The following KIAA2012 variants were observed in gnomAD, a reference collection of about 807,000 sequenced individuals.
The protein encoded by KIAA2012 is uncharacterized protein KIAA2012.
KIAA2012 carries 125 observed loss-of-function variants against 150.6 expected under a neutral mutation model. That is an observed-to-expected ratio of 0.83 (90% CI 0.72 to 0.96). The LOEUF is 0.96. Ranked by LOEUF, KIAA2012 falls within the 40% of genes least tolerant of loss-of-function variation. The probability of loss-of-function intolerance (pLI) is 0.00; values close to 1 mark genes in which losing one functional copy is unlikely to be tolerated. For synonymous variants in KIAA2012, 462 were observed against 504.7 expected (o/e 0.92, Z 1.13); for missense variants, 1,219 against 1,354.9 (o/e 0.90, Z 1.57).
intron 12 of KIAA2012, among the ~76,000 whole-genome samples, chr2:202,132,867 T>G (rs1575028939): frequency 1.5e-5 from 2 of 131,402 alleles, no homozygotes; most frequent in Non-Finnish European, 3.2e-5. Flanking sequence ...GAGGCAGAGG[T>G]GGGTGGATCA....
rs1415794917 is a variant in KIAA2012, at chr2:202,127,991, C to T, written c.1831+2709C>T. Among the ~76,000 whole-genome samples, 4 of 152,114 alleles carry T rather than the reference C, an allele frequency of 2.6e-5. No homozygotes were observed. In the East Asian group the frequency reaches 7.7e-4, roughly 29 times the overall value. ...TCCCTCCCCTAGCCCCTGGCAACCA[C>T]CATTCTACTTTCTGTTATCCCCTGA... is the stretch of plus-strand genomic sequence containing the variant. On this transcript the variant is annotated intron_variant, in intron 12 of 23. Transcript: ENST00000498697.
At chr2:202,102,887 C>A in intron 7 of KIAA2012, 59 bp from the exon 8 acceptor site, 1 of 1,473,938 alleles carries the variant, frequency 6.8e-7, no homozygotes, top group Non-Finnish European at 9.2e-7. Flanking sequence ...TCGTTTGCCC[C>A]TGCAGGCAGC....
chr2:202,169,973 A>G (rs1223161029), intron 15 of KIAA2012, among the ~76,000 whole-genome samples: 1 of 152,178 alleles, frequency 6.6e-6, no homozygotes, highest in Non-Finnish European at 1.5e-5. Context: ...GCCGTCTATG[A>G]GTCGCTCAGG....
intron 21 of KIAA2012, among the ~76,000 whole-genome samples, chr2:202,196,532 C>G (rs961186353): frequency 4.6e-5 from 7 of 151,990 alleles, no homozygotes; most frequent in African/African-American, 1.5e-4. Context: ...GATTTGACAC[C>G]GCTCCCCAAC....
At chr2:202,148,502 T>C (rs1691347952) in intron 13 of KIAA2012, among the ~76,000 whole-genome samples, 1 of 152,116 alleles carries the variant, frequency 6.6e-6, no homozygotes, top group Non-Finnish European at 1.5e-5. Flanking sequence ...ACTCAGCCCA[T>C]TTCACCAGCA....
chr2:202,132,368 C>A (rs1038326987), intron 12 of KIAA2012, among the ~76,000 whole-genome samples: 2 of 151,588 alleles, frequency 1.3e-5, no homozygotes, highest in Non-Finnish European at 2.9e-5. Context: ...AAGAAGTGAC[C>A]AAAAATAATA....
At chr2:202,098,888 A>G (rs1689969890) in intron 5 of KIAA2012, among the ~76,000 whole-genome samples, 1 of 151,680 alleles carries the variant, frequency 6.6e-6, no homozygotes, top group Non-Finnish European at 1.5e-5. Flanking sequence ...CCCATCCTGA[A>G]TAAACTCATT....
At chr2:202,094,863 G>A (rs1689824505) in intron 4 of KIAA2012, among the ~76,000 whole-genome samples, 1 of 152,108 alleles carries the variant, frequency 6.6e-6, no homozygotes, top group Non-Finnish European at 1.5e-5. Flanking sequence ...CACACCTGAG[G>A]GATAAAGTGA....
At chr2:202,141,911 A>G (rs1175588154) in intron 13 of KIAA2012, among the ~76,000 whole-genome samples, 1 of 152,166 alleles carries the variant, frequency 6.6e-6, no homozygotes, top group Non-Finnish European at 1.5e-5. Flanking sequence ...AAATATTAAT[A>G]TAGCTAGACA....
At chr2:202,125,472 G>A (rs1042305346) in intron 12 of KIAA2012, among the ~76,000 whole-genome samples, 190 bp downstream of exon 12, 2 of 152,186 alleles carry the variant, frequency 1.3e-5, no homozygotes, top group East Asian at 1.9e-4. Flanking sequence ...GGACAGCCCC[G>A]TGGTCTGAGT....
In KIAA2012 at chr2:202,166,673, C is replaced by CA. The variant is rs35119948; in HGVS notation, c.2119+1328dup. On this transcript the variant is annotated intron_variant, in intron 15 of 23. Transcript: ENST00000498697. Reference sequence around the variant, plus strand: ...CCCTGTCTCCAAAAAAAAACAAAAACAAAAAAAAAAAGGATCAATTTTCTC... The same window carrying CA: ...CCCTGTCTCCAAAAAAAAACAAAAACAAAAAAAAAAAAGGATCAATTTTCTC... Among the ~76,000 whole-genome samples, 1,040 of 145,134 alleles carry CA rather than the reference C, an allele frequency of 7.2e-3. 8 individuals carry two copies. Among genetic ancestry groups the CA allele is most frequent in the African/African-American group, 0.023 (915 of 39,440 alleles).
chr2:202,170,802 G>C (rs1312016821), intron 15 of KIAA2012, among the ~76,000 whole-genome samples: 1 of 152,216 alleles, frequency 6.6e-6, no homozygotes, highest in Non-Finnish European at 1.5e-5. Flanking sequence ...GACATCAAGA[G>C]AAGGCAGCAG....
chr2:202,116,069 C>T (rs1396923969), intron 11 of KIAA2012: 1 of 152,146 alleles, frequency 6.6e-6, no homozygotes, highest in Non-Finnish European at 1.5e-5. Context: ...AATTGCTTAT[C>T]CTTGATTCAA....
chr2:202,194,079 C>A, intron 20 of KIAA2012, 111 bp from the exon 21 acceptor site: 11 of 1,180,128 alleles, frequency 9.3e-6, no homozygotes, highest in Middle Eastern at 2.7e-4. Context: ...AGGTTGCTCC[C>A]TGTGGCCTGT....
At chr2:202,133,209 C>T (rs1029887146) in intron 12 of KIAA2012, among the ~76,000 whole-genome samples, 13 of 148,040 alleles carry the variant, frequency 8.8e-5, no homozygotes, top group African/African-American at 2.8e-4. Context: ...CCACCTTCAG[C>T]CTTTTTTCTG....
intron 5 of KIAA2012, among the ~76,000 whole-genome samples, chr2:202,098,478 C>T (rs1559202822): frequency 2.0e-5 from 3 of 152,236 alleles, no homozygotes; most frequent in South Asian, 4.1e-4. Context: ...AGTTCTATAA[C>T]ATAGTCACCA....
In KIAA2012 at chr2:202,175,113, C is replaced by T. The variant is rs984941683; in HGVS notation, c.2120-9640C>T. On this transcript the variant is annotated intron_variant, in intron 15 of 23. Transcript: ENST00000498697. ...TCCCTTCCATTTCTTTTTTTTCCCC[C>T]TTTTAGTGTATTTGTAGGAAATTGG... Among the ~76,000 whole-genome samples, 11 of 151,724 alleles carry T rather than the reference C, an allele frequency of 7.3e-5. No homozygotes were observed. In the East Asian group the frequency reaches 9.6e-4, roughly 13 times the overall value.
intron 2 of KIAA2012, chr2:202,076,852 C>A: frequency 2.4e-6 from 1 of 411,256 alleles, no homozygotes; most frequent in Non-Finnish European, 4.9e-6. Flanking sequence ...GTTCCCTTCC[C>A]CTGCTCTGCT....
At chr2:202,159,086 C>G (rs950036253) in intron 14 of KIAA2012, among the ~76,000 whole-genome samples, 1 of 152,182 alleles carries the variant, frequency 6.6e-6, no homozygotes. Context: ...CAGTCCCAAG[C>G]ATTACGTATG....
Sources: gnomAD v4.1 joint callset for allele counts (sites outside exome capture counted in the v4.1 genomes callset) on GRCh38, gnomAD v4.1.1 for gene constraint, MANE v1.5 for transcripts, NCBI Gene and HGNC (gene_info 2026-07-23, HGNC 2026-07-21) for gene names.